TTF2: variants seen among roughly 807,000 people sequenced by gnomAD.
The protein encoded by TTF2 is RNA polymerase II termination factor.
In TTF2, 108 loss-of-function variants were observed where a neutral mutation model predicts 142.4. That is an observed-to-expected ratio of 0.76 (90% CI 0.65 to 0.89). The LOEUF (loss-of-function observed/expected upper bound fraction) is 0.89. TTF2 is among the 40% of genes least tolerant of loss of function. The probability of loss-of-function intolerance (pLI) is 0.00; values close to 1 mark genes in which losing one functional copy is unlikely to be tolerated. For missense variants in TTF2, 1,327 were observed against 1,379.8 expected (o/e 0.96, Z 0.61); for synonymous variants, 483 against 506.2 (o/e 0.95, Z 0.61).
intron 3 of TTF2, among the ~76,000 whole-genome samples, chr1:117,065,952 T>C (rs1177636899): frequency 1.3e-5 from 2 of 148,988 alleles, no homozygotes; most frequent in African/African-American, 2.5e-5. Context: ...AAGAGACCAC[T>C]GAAATAATAG....
chr1:117,081,139 C>T (rs537779108), intron 9 of TTF2, among the ~76,000 whole-genome samples: 8 of 152,316 alleles, frequency 5.3e-5, no homozygotes, highest in South Asian at 2.1e-4. Context: ...AGCAGGCAGG[C>T]CTATGGGCCT....
rs200049148 is a variant in TTF2, at chr1:117,097,347, G to T, written c.3187-4G>T. ...TAAAGTTAATGTTGTGTTTCCTTTT[G>T]AAGGTAATGCTAATCTCTCTCTTGG... is the stretch of plus-strand genomic sequence containing the variant. On this transcript the variant is annotated splice_region_variant and splice_polypyrimidine_tract_variant and intron_variant, in intron 20 of 22. Coordinates refer to ENST00000369466, the MANE Select transcript of TTF2 (RefSeq NM_003594.4). The surrounding 1 kb of genome is among the most constrained non-coding windows in gnomAD (Gnocchi z 4.1). 255 of 1,613,854 alleles carry T rather than the reference G, an allele frequency of 1.6e-4. No homozygotes were observed. The highest frequency in any genetic ancestry group is 2.1e-4 in the Non-Finnish European group (252 of 1,179,892).
chr1:117,105,832 C>A lies in TTF2; in HGVS notation c.*4308C>A, dbSNP rs1022742873. On this transcript the variant is annotated 3_prime_UTR_variant, in exon 23 of 23. Coordinates refer to ENST00000369466, the MANE Select transcript of TTF2 (RefSeq NM_003594.4). The surrounding 1 kb of genome is among the most constrained non-coding windows in gnomAD (Gnocchi z 4.7). ...GGAGGTGACTTATTTCTCTATCAATCCTGTGAGTGATTTAGCATGGCAATT... is the reference window on the plus strand; with the variant it reads ...GGAGGTGACTTATTTCTCTATCAATACTGTGAGTGATTTAGCATGGCAATT... The A allele has an allele frequency of 3.9e-5, 6 of 152,108 alleles. No homozygotes were observed. Among genetic ancestry groups the A allele is most frequent in the African/African-American group, 1.4e-4 (6 of 41,408 alleles). 9.4% of individuals were successfully genotyped at this position (152,108 alleles called of 1,614,324 possible).
chr1:117,060,401 G>A, intron 1 of TTF2, 27 bp downstream of exon 1: 2 of 1,606,882 alleles, frequency 1.2e-6, no homozygotes, highest in Non-Finnish European at 1.7e-6. Flanking sequence ...TCAGCGTCCC[G>A]GGGCCTGTTG....
chr1:117,096,403 G>C, intron 20 of TTF2, 104 bp downstream of exon 20: 1 of 1,437,816 alleles, frequency 7.0e-7, no homozygotes, highest in Non-Finnish European at 9.4e-7. Context: ...TTGAGACGGA[G>C]TTTTGCTCTT....
intron 16 of TTF2, 84 bp from the exon 17 acceptor site, chr1:117,091,733 A>C: frequency 6.6e-7 from 1 of 1,513,822 alleles, no homozygotes; most frequent in Non-Finnish European, 8.9e-7. Context: ...ACATGGTTAA[A>C]GTAGCCCCAT....
intron 16 of TTF2, among the ~76,000 whole-genome samples, 172 bp downstream of exon 16, chr1:117,091,582 T>C (rs745572837): frequency 1.3e-5 from 2 of 152,184 alleles, no homozygotes; most frequent in African/African-American, 4.8e-5. Context: ...CTGGTGTTTA[T>C]TTAGCTTCTT....
intron 3 of TTF2, among the ~76,000 whole-genome samples, chr1:117,066,695 CTTTTTTTTTTT>C (rs530588185): frequency 8.7e-6 from 1 of 115,050 alleles, no homozygotes; most frequent in East Asian, 2.5e-4. Flanking sequence ...CTAATCATGT[CTTTTTTTTTTT>C]TTTTTTTTTT....
rs769231549 is a variant in TTF2 at position 117,090,535 on chromosome 1, A to G, written c.2500A>G (p.Ile834Val). 2 of 1,613,286 alleles carry G rather than the reference A, an allele frequency of 1.2e-6. No homozygotes were observed. The highest frequency in any genetic ancestry group is 1.7e-6 in the Non-Finnish European group (2 of 1,179,672). Reference sequence around the variant, plus strand: ...GCTTTTTTTTTTATTCTTCCAGGTGATACTGCCCCAGCGTAAATTTCAGTT... The same window carrying G: ...GCTTTTTTTTTTATTCTTCCAGGTGGTACTGCCCCAGCGTAAATTTCAGTT... ...QLDSTGRPLVILPQRKFQLHH... is the reference protein window; with the variant it reads ...QLDSTGRPLVVLPQRKFQLHH... The change falls in exon 15 of 23, where the codon ATA (isoleucine) becomes GTA (valine). Residue 834 changes from isoleucine to valine, a missense_variant. Transcript: ENST00000369466. The surrounding 1 kb of genome is among the most constrained non-coding windows in gnomAD (Gnocchi z 4.8).
In TTF2 at chr1:117,079,563, G is replaced by T; in HGVS notation, c.1702-5G>T. 2 of 1,614,204 alleles carry T rather than the reference G, an allele frequency of 1.2e-6. No individual in the cohort carries two copies. Among genetic ancestry groups the T allele is most frequent in the Non-Finnish European group, 1.7e-6 (2 of 1,180,028 alleles). ...TGCTTAGCATTTGGTTATTACCTTT[G>T]TCAGGTCCCTTTGCTACTACACCAG... On this transcript the variant is annotated splice_polypyrimidine_tract_variant and splice_region_variant and intron_variant, in intron 8 of 22. Coordinates refer to ENST00000369466, the MANE Select transcript of TTF2 (RefSeq NM_003594.4). This position sits in a 1 kb window ranked among gnomAD's most constrained non-coding sequence, Gnocchi z 4.2.
Position 117,075,467 on chromosome 1 carries a change from G to C in TTF2, c.883G>C (p.Ala295Pro). The change falls in exon 5 of 23, where the codon GCA becomes CCA. Residue 295 changes from alanine to proline, a missense_variant. Physicochemically the swap from Ala to Pro is conservative, Grantham distance 27. Coordinates refer to ENST00000369466, the MANE Select transcript of TTF2 (RefSeq NM_003594.4). This position sits in a 1 kb window ranked among gnomAD's most constrained non-coding sequence, Gnocchi z 4.5. ...GAACTGGGAGGCTAAAGAAACAAAGGCAAAGGATGGCCCTAGCATACAGGC... is the reference window on the plus strand; with the variant it reads ...GAACTGGGAGGCTAAAGAAACAAAGCCAAAGGATGGCCCTAGCATACAGGC... ...YTNWEAKETKAKDGPSIQATQ... is the reference protein window; with the variant it reads ...YTNWEAKETKPKDGPSIQATQ... 1 of 1,614,118 alleles carries C rather than the reference G, an allele frequency of 6.2e-7. No individual in the cohort carries two copies.
In TTF2 at chr1:117,073,654, T is replaced by A; in HGVS notation, c.219-7T>A. On this transcript the variant is annotated splice_region_variant and splice_polypyrimidine_tract_variant and intron_variant, in intron 3 of 22. Coordinates refer to ENST00000369466, the MANE Select transcript of TTF2 (RefSeq NM_003594.4). This position sits in a 1 kb window ranked among gnomAD's most constrained non-coding sequence, Gnocchi z 4.4. ...GCCTTGATTATTTGTGTTTTATACT[T>A]CATTAGATTGTTCTTCCGATGCATT... 2.5e-6 allele frequency: 4 copies of A among 1,607,340 alleles called. No individual in the cohort carries two copies. Among genetic ancestry groups the A allele is most frequent in the Non-Finnish European group, 3.4e-6 (4 of 1,175,056 alleles).
In TTF2 at chr1:117,076,128, T is replaced by C; in HGVS notation, c.1276-52T>C. 1 of 1,521,994 alleles carries C rather than the reference T, an allele frequency of 6.6e-7. No homozygotes were observed. Among genetic ancestry groups the C allele is most frequent in the Admixed American group, 1.8e-5 (1 of 54,088 alleles). 94.3% of individuals were successfully genotyped at this position (1,521,994 alleles called of 1,614,324 possible). On this transcript the variant is annotated intron_variant, in intron 5 of 22. Coordinates refer to ENST00000369466, the MANE Select transcript of TTF2 (RefSeq NM_003594.4). The surrounding 1 kb of genome is among the most constrained non-coding windows in gnomAD (Gnocchi z 4.6). Reference sequence around the variant, plus strand: ...TTCAGGCTATTTTAATCTGAAACTATTCATCTAACAGTGTGAGAGGAGAGA... The same window carrying C: ...TTCAGGCTATTTTAATCTGAAACTACTCATCTAACAGTGTGAGAGGAGAGA...
intron 7 of TTF2, 116 bp from the exon 8 acceptor site, chr1:117,077,800 G>A: frequency 7.3e-7 from 1 of 1,376,790 alleles, no homozygotes; most frequent in South Asian, 1.3e-5. Context: ...GTTGAGGAGA[G>A]TAGTTAACAA....
chr1:117,071,886 A>C (rs1042366618), intron 3 of TTF2, among the ~76,000 whole-genome samples: 3 of 152,086 alleles, frequency 2.0e-5, no homozygotes, highest in African/African-American at 7.2e-5. Context: ...GTTTTTTGCC[A>C]TTAAAAGTAA....
In TTF2 at chr1:117,060,490, G is replaced by T. The variant is rs752654712; in HGVS notation, c.64G>T (p.Gly22Cys). ...FCFLKTGVRD[G>C]PNKGKSFYVC... ...CTTTCTTAAGACCGGCGTCCGCGAT[G>T]GCCCGAATAAAGGAAAGAGCTTCTA... Residue 22 changes from glycine to cysteine, a missense_variant, in exon 2 of 23, where the codon GGC becomes TGC. Gly to Cys is a radical substitution (Grantham distance 159). Transcript: ENST00000369466. 2.5e-6 allele frequency: 4 copies of T among 1,613,926 alleles called. No homozygotes were observed. In the African/African-American group the frequency reaches 5.3e-5, roughly 22 times the overall value.
chr1:117,100,602 T>C lies in TTF2; in HGVS notation c.3345-778T>C, dbSNP rs905581433. On this transcript the variant is annotated intron_variant, in intron 22 of 22. Transcript: ENST00000369466. The surrounding 1 kb of genome is among the most constrained non-coding windows in gnomAD (Gnocchi z 4.6). ...CATGGTCAATGTGAACTTCCTCCAATACACCATGCTCTGAAACTCAGCCAT... is the reference window on the plus strand; with the variant it reads ...CATGGTCAATGTGAACTTCCTCCAACACACCATGCTCTGAAACTCAGCCAT... Among the ~76,000 whole-genome samples the C allele has an allele frequency of 6.6e-6, 1 of 152,218 alleles. No homozygotes were observed. The highest frequency in any genetic ancestry group is 2.4e-5 in the African/African-American group (1 of 41,464).
intron 3 of TTF2, among the ~76,000 whole-genome samples, chr1:117,072,228 A>G (rs990279227): frequency 6.6e-6 from 1 of 151,970 alleles, no homozygotes; most frequent in East Asian, 1.9e-4. Context: ...TTTTTGGTGG[A>G]AGAGTGTAAA....
rs1431960833 is a variant in TTF2, at chr1:117,070,934, A to G, written c.219-2727A>G. 6.6e-6 allele frequency among the ~76,000 whole-genome samples: 1 copy of G among 152,198 alleles called. No homozygotes were observed. The highest frequency in any genetic ancestry group is 1.5e-5 in the Non-Finnish European group (1 of 68,038). ...ACCTGCTCAGGACCCCTGAATTAGGATGCAGACTGTTGTGATTCATGTTGT... is the reference window on the plus strand; with the variant it reads ...ACCTGCTCAGGACCCCTGAATTAGGGTGCAGACTGTTGTGATTCATGTTGT... On this transcript the variant is annotated intron_variant, in intron 3 of 22. Coordinates refer to ENST00000369466, the MANE Select transcript of TTF2 (RefSeq NM_003594.4). This position sits in a 1 kb window ranked among gnomAD's most constrained non-coding sequence, Gnocchi z 4.2.
Sources: allele counts gnomAD v4.1 joint callset (sites outside exome capture counted in the v4.1 genomes callset), GRCh38; gene constraint gnomAD v4.1.1; non-coding constraint Gnocchi (gnomAD v3.1); transcripts MANE v1.5; gene names NCBI Gene and HGNC (gene_info 2026-07-23, HGNC 2026-07-21).